SUGT1: variants seen among roughly 807,000 people sequenced by gnomAD.
The protein encoded by SUGT1 is protein SGT1 homolog.
In SUGT1, 15 loss-of-function variants were observed where a neutral mutation model predicts 56.1. The ratio of observed to expected loss-of-function variants is 0.27; its 90% CI spans 0.18 to 0.41. The LOEUF (loss-of-function observed/expected upper bound fraction) is 0.41, where lower values mean the gene tolerates loss of function less well. Ranked by LOEUF, SUGT1 falls within the 10% of genes least tolerant of loss-of-function variation. The pLI, the probability that SUGT1 is intolerant of heterozygous loss-of-function variation, is 1.00. For synonymous variants in SUGT1, 123 were observed against 128.6 expected, an observed-to-expected ratio of 0.96 and a Z score of 0.30; for missense variants, 347 against 382.2, an observed-to-expected ratio of 0.91 and a Z score of 0.77.
rs901074650 is a variant in SUGT1, at chr13:52,696,173, G to T, written c.*8338G>T. 6.6e-6 allele frequency: 1 copy of T among 152,214 alleles called. No individual in the cohort carries two copies. The highest frequency in any genetic ancestry group is 1.5e-5 in the Non-Finnish European group (1 of 68,074). The allele number at this position is 152,214 out of a possible 1,614,324, so 9.4% of individuals were successfully genotyped here. A position where few individuals can be genotyped will look rare whatever the true frequency, so the allele number is the denominator to read the frequency against. ...TCCATCTTTGTATGTGTAGCACCTG[G>T]TACATAGAGAACAGGCTCCCAGAAT... On this transcript the variant is annotated 3_prime_UTR_variant, in exon 13 of 13. Coordinates refer to ENST00000310528, the MANE Select transcript of SUGT1 (RefSeq NM_006704.5).
rs1282250930 is a variant in SUGT1 at position 52,700,300 on chromosome 13, C to A, written c.*12465C>A. The A allele has an allele frequency of 6.6e-6, 1 of 152,088 alleles. No homozygotes were observed. Among genetic ancestry groups the A allele is most frequent in the Non-Finnish European group, 1.5e-5 (1 of 68,006 alleles). 9.4% of individuals were successfully genotyped at this position (152,088 alleles called of 1,614,324 possible). The stretch of plus-strand genomic sequence containing the variant: ...CTAAGCCAAACACCTTAGAAAATAG[C>A]CTCAGCTATTTGCTATGTTTATATT... On this transcript the variant is annotated 3_prime_UTR_variant, in exon 13 of 13. Coordinates refer to ENST00000310528, the MANE Select transcript of SUGT1 (RefSeq NM_006704.5).
chr13:52,662,740 AAG>A (rs776107575), intron 6 of SUGT1, 38 bp downstream of exon 6: 9 of 1,594,130 alleles, frequency 5.6e-6, no homozygotes, highest in Middle Eastern at 2.1e-4. Context: ...TCAATTTAAA[AAG>A]AAGTAAACAT....
intron 12 of SUGT1, among the ~76,000 whole-genome samples, chr13:52,681,352 A>G (rs1253856237): frequency 3.3e-5 from 5 of 151,688 alleles, no homozygotes; most frequent in Non-Finnish European, 7.4e-5. Context: ...TGGGTGGTCA[A>G]GGTTGCAGTG....
In SUGT1 at chr13:52,693,049, C is replaced by T. The variant is rs1052005266; in HGVS notation, c.*5214C>T. The T allele has an allele frequency of 6.6e-6, 1 of 152,078 alleles. No homozygotes were observed. The highest frequency in any genetic ancestry group is 6.5e-5 in the Admixed American group (1 of 15,270). The allele number at this position is 152,078 out of a possible 1,614,324, so 9.4% of individuals were successfully genotyped here. ...TACAGACATGTTAGGATTTGTGTATCACTGATTTCTCCAATAAAATTTGAA... is the reference window on the plus strand; with the variant it reads ...TACAGACATGTTAGGATTTGTGTATTACTGATTTCTCCAATAAAATTTGAA... On this transcript the variant is annotated 3_prime_UTR_variant, in exon 13 of 13. Transcript: ENST00000310528.
rs1367314732 is a variant in SUGT1, at chr13:52,691,603, A to T, written c.*3768A>T. ...TAGCTTTACTGACATTTCCAAAAAA[A>T]GGTAGACGGTTTCTAGGTGGTGTGT... is the stretch of plus-strand genomic sequence containing the variant. On this transcript the variant is annotated 3_prime_UTR_variant, in exon 13 of 13. Coordinates refer to ENST00000310528, the MANE Select transcript of SUGT1 (RefSeq NM_006704.5). 7 of 152,194 alleles carry T rather than the reference A, an allele frequency of 4.6e-5. 1 individual carries two copies. The allele number at this position is 152,194 out of a possible 1,614,324, so 9.4% of individuals were successfully genotyped here.
chr13:52,664,596 C>A (rs1380550366), intron 8 of SUGT1, among the ~76,000 whole-genome samples: 1 of 152,152 alleles, frequency 6.6e-6, no homozygotes, highest in South Asian at 2.1e-4. Flanking sequence ...AGCTTTGCAT[C>A]CTTACTGAAT....
chr13:52,665,232 C>T (rs1419287919), intron 8 of SUGT1, among the ~76,000 whole-genome samples: 1 of 152,138 alleles, frequency 6.6e-6, no homozygotes, highest in Non-Finnish European at 1.5e-5. Context: ...GTTTTATCAT[C>T]TGTAAAATAG....
At chr13:52,653,197 C>A in intron 2 of SUGT1, 94 bp downstream of exon 2, 1 of 1,460,612 alleles carries the variant, frequency 6.8e-7, no homozygotes, top group Non-Finnish European at 9.5e-7. Context: ...CACCGCCGGA[C>A]AGGGACCCAG....
chr13:52,693,601 G>A lies in SUGT1; in HGVS notation c.*5766G>A, dbSNP rs1457501271. ...AATGTCTCTGTGCCTCAGTTTTTGT[G>A]TCTATGTAAAGGAGATAATAGGATC... On this transcript the variant is annotated 3_prime_UTR_variant, in exon 13 of 13. Transcript: ENST00000310528. The A allele has an allele frequency of 6.6e-6, 1 of 152,092 alleles. No individual in the cohort carries two copies. Among genetic ancestry groups the A allele is most frequent in the African/African-American group, 2.4e-5 (1 of 41,380 alleles). 9.4% of individuals were successfully genotyped at this position (152,092 alleles called of 1,614,324 possible). A position where few individuals can be genotyped will look rare whatever the true frequency, so the allele number is the denominator to read the frequency against.
At chr13:52,665,439 A>G (rs1448774934) in intron 8 of SUGT1, among the ~76,000 whole-genome samples, 198 bp from the exon 9 acceptor site, 1 of 152,188 alleles carries the variant, frequency 6.6e-6, no homozygotes, top group Non-Finnish European at 1.5e-5. Context: ...TGTGAGCATC[A>G]TTTACCTTAC....
At position 52,669,048 on chromosome 13, in the gene SUGT1, G is replaced by A. The variant is rs1962829373; in HGVS notation, c.627+2129G>A. On this transcript the variant is annotated intron_variant, in intron 10 of 12. Transcript: ENST00000310528. ...TTTTTCTCTTTTGAGTCTTGGATTT[G>A]TTAATTTTAACCATTCTTCAACCAT... Among the ~76,000 whole-genome samples, 3 of 152,122 alleles carry A rather than the reference G, an allele frequency of 2.0e-5. No individual in the cohort carries two copies. In the South Asian group the frequency reaches 6.2e-4, roughly 32 times the overall value.
At chr13:52,682,767 GT>G (rs1241610386) in intron 12 of SUGT1, among the ~76,000 whole-genome samples, 1 of 152,192 alleles carries the variant, frequency 6.6e-6, no homozygotes, top group Non-Finnish European at 1.5e-5. Flanking sequence ...AGCTGTAGCT[GT>G]TTAAGTCTGA....
chr13:52,659,276 A>T (rs770070964), intron 5 of SUGT1, 27 bp downstream of exon 5: 2 of 1,331,506 alleles, frequency 1.5e-6, no homozygotes, highest in African/African-American at 3.1e-5. Flanking sequence ...ATACTTTAAT[A>T]AACTTATCTA....
intron 12 of SUGT1, among the ~76,000 whole-genome samples, chr13:52,681,110 T>G (rs1312015392): frequency 6.6e-6 from 1 of 152,168 alleles, no homozygotes; most frequent in East Asian, 1.9e-4. Context: ...AGTGCTGGGA[T>G]TACAGGCGTG....
At chr13:52,682,157 C>G (rs1420847560) in intron 12 of SUGT1, among the ~76,000 whole-genome samples, 1 of 152,056 alleles carries the variant, frequency 6.6e-6, no homozygotes, top group African/African-American at 2.4e-5. Context: ...AAGACTCTCT[C>G]CTATTTAAAA....
rs780878012 is a variant in SUGT1, at chr13:52,690,424, T to G, written c.*2589T>G. ...ATTTTGGTTCTCAGTGCTGTTAGTA[T>G]TAGTAGCCTTTTGTTTCTTCAGAAT... On this transcript the variant is annotated 3_prime_UTR_variant, in exon 13 of 13. Coordinates refer to ENST00000310528, the MANE Select transcript of SUGT1 (RefSeq NM_006704.5). The G allele has an allele frequency of 7.9e-5, 12 of 152,204 alleles. No individual in the cohort carries two copies. The highest frequency in any genetic ancestry group is 1.5e-4 in the Non-Finnish European group (10 of 68,040). 9.4% of individuals were successfully genotyped at this position (152,204 alleles called of 1,614,324 possible). A position where few individuals can be genotyped will look rare whatever the true frequency, so the allele number is the denominator to read the frequency against.
intron 12 of SUGT1, among the ~76,000 whole-genome samples, chr13:52,686,706 A>G (rs1028611992): frequency 6.6e-6 from 1 of 152,174 alleles, no homozygotes; most frequent in Non-Finnish European, 1.5e-5. Flanking sequence ...TTAAATGTTT[A>G]TATTGTAATA....
intron 2 of SUGT1, among the ~76,000 whole-genome samples, chr13:52,654,945 A>G (rs1409333881): frequency 6.6e-6 from 1 of 152,212 alleles, no homozygotes; most frequent in Non-Finnish European, 1.5e-5. Context: ...TTTTGGTTGT[A>G]TGTACCTAGG....
At chr13:52,680,200 C>T (rs1190527065) in intron 12 of SUGT1, 45 bp downstream of exon 12, 1 of 1,511,980 alleles carries the variant, frequency 6.6e-7, no homozygotes, top group Non-Finnish European at 8.8e-7. Flanking sequence ...GCAAATTTTA[C>T]ATATTTTAAA....
Sources: allele counts gnomAD v4.1 joint callset (sites outside exome capture counted in the v4.1 genomes callset), GRCh38; gene constraint gnomAD v4.1.1; transcripts MANE v1.5; gene names NCBI Gene and HGNC (gene_info 2026-07-23, HGNC 2026-07-21).